The following CDHR3 variants were observed in gnomAD, a reference collection of about 807,000 sequenced individuals.
The protein encoded by CDHR3 is cadherin related family member 3.
CDHR3 carries 79 observed loss-of-function variants against 86.6 expected under a neutral mutation model. The observed-to-expected ratio is 0.91, with a 90% confidence interval of 0.76 to 1.10. The LOEUF is 1.10. Among genes scored for constraint, CDHR3 ranks in the 50% least tolerant of loss-of-function variants. The pLI is 0.00. For synonymous variants in CDHR3, 421 were observed against 402.4 expected (o/e 1.05, Z -0.55); for missense variants, 1,081 against 1,077.6 (o/e 1.00, Z -0.04).
chr7:105,987,047 T>G (rs1486540966), intron 4 of CDHR3, among the ~76,000 whole-genome samples: 1 of 152,142 alleles, frequency 6.6e-6, no homozygotes, highest in Non-Finnish European at 1.5e-5. Flanking sequence ...TGTTTTTAAA[T>G]CTCCACTTTA....
chr7:106,019,550 A>G (rs1836226471), intron 12 of CDHR3, among the ~76,000 whole-genome samples: 1 of 152,206 alleles, frequency 6.6e-6, no homozygotes, highest in African/African-American at 2.4e-5. Flanking sequence ...GGGGTGATGA[A>G]CTAAACGATC....
At chr7:106,005,731 A>T (rs1225016861) in intron 8 of CDHR3, among the ~76,000 whole-genome samples, 1 of 152,236 alleles carries the variant, frequency 6.6e-6, no homozygotes, top group Non-Finnish European at 1.5e-5. Flanking sequence ...GGAGAAATAG[A>T]AATTCCTTTA....
chr7:106,030,705 A>G lies in CDHR3; in HGVS notation c.2305-87A>G, dbSNP rs1838196364. ...CTTAGAAGTCAAGAAGGCTTTGGTT[A>G]AGGAACTTGGGTTGTGAGGATGTGT... is the stretch of plus-strand genomic sequence containing the variant. On this transcript the variant is annotated intron_variant, in intron 17 of 18. Coordinates refer to ENST00000317716, the MANE Select transcript of CDHR3 (RefSeq NM_152750.5). The surrounding 1 kb of genome is among the most constrained non-coding windows in gnomAD (Gnocchi z 4.8). The G allele has an allele frequency of 3.1e-6, 4 of 1,296,954 alleles. No individual in the cohort carries two copies. In the Admixed American group the frequency reaches 6.0e-5, roughly 19 times the overall value. The allele number at this position is 1,296,954 out of a possible 1,614,324, so 80.3% of individuals were successfully genotyped here. A position where few individuals can be genotyped will look rare whatever the true frequency, so the allele number is the denominator to read the frequency against.
At chr7:105,994,262 C>G (rs1831843455) in intron 4 of CDHR3, among the ~76,000 whole-genome samples, 1 of 149,172 alleles carries the variant, frequency 6.7e-6, no homozygotes, top group Non-Finnish European at 1.5e-5. Flanking sequence ...AGTCCTATTA[C>G]CTAGTGGGTA....
intron 2 of CDHR3, among the ~76,000 whole-genome samples, chr7:105,977,458 T>C (rs766983767): frequency 1.6e-4 from 24 of 152,354 alleles, no homozygotes; most frequent in Non-Finnish European, 2.8e-4. Context: ...TCAACTCATC[T>C]AGGCTCAAGT....
rs758540280 is a variant in CDHR3 at position 106,034,379 on chromosome 7, T to G, written c.*1682T>G. ...CCAACTGGGGAGTCAGGTGAGAGCC[T>G]ACCAGGTCCACAAGGTCCTGTGGGA... On this transcript the variant is annotated 3_prime_UTR_variant, in exon 19 of 19. Transcript: ENST00000317716. Among the ~76,000 whole-genome samples the G allele has an allele frequency of 4.6e-5, 7 of 151,392 alleles. No homozygotes were observed. Among genetic ancestry groups the G allele is most frequent in the Non-Finnish European group, 1.0e-4 (7 of 67,828 alleles).
At position 106,036,207 on chromosome 7, in the gene CDHR3, AG is replaced by A. The variant is rs1838913214; in HGVS notation, c.*3511del. 1 of 152,182 alleles carries A rather than the reference AG, an allele frequency of 6.6e-6. No homozygotes were observed. Among genetic ancestry groups the A allele is most frequent in the South Asian group, 2.1e-4 (1 of 4,828 alleles). The allele number at this position is 152,182 out of a possible 1,614,324, so 9.4% of individuals were successfully genotyped here. On this transcript the variant is annotated 3_prime_UTR_variant, in exon 19 of 19. Coordinates refer to ENST00000317716, the MANE Select transcript of CDHR3 (RefSeq NM_152750.5). ...TAGCAAGCACGGGTGGCTCACAAGCAGAACTGGGAAATGACACTTCTGCTCC... is the reference window on the plus strand; with the variant it reads ...TAGCAAGCACGGGTGGCTCACAAGCAAACTGGGAAATGACACTTCTGCTCC...
intron 1 of CDHR3, among the ~76,000 whole-genome samples, chr7:105,969,306 G>A (rs1443202451): frequency 6.8e-6 from 1 of 147,312 alleles, no homozygotes; most frequent in Non-Finnish European, 1.5e-5. Flanking sequence ...GGCTGAGGCA[G>A]GAGAATGGCG....
intron 14 of CDHR3, among the ~76,000 whole-genome samples, chr7:106,023,436 G>T (rs1201798349): frequency 1.3e-5 from 2 of 152,188 alleles, no homozygotes; most frequent in Non-Finnish European, 2.9e-5. Context: ...GAATTGGCCT[G>T]GAGAAGGAAG....
chr7:105,997,868 G>T (rs1481940776), intron 6 of CDHR3, among the ~76,000 whole-genome samples: 1 of 152,010 alleles, frequency 6.6e-6, no homozygotes, highest in African/African-American at 2.4e-5. Flanking sequence ...GAACTCTCTG[G>T]TTCTCATTTT....
chr7:105,984,368 G>A (rs778255030), intron 4 of CDHR3, 79 bp downstream of exon 4: 38 of 1,139,136 alleles, frequency 3.3e-5, no homozygotes, highest in Non-Finnish European at 4.1e-5. Context: ...GAGTCTTGGC[G>A]GGGTGAGTTT....
chr7:106,000,802 T>G (rs1468489287), intron 6 of CDHR3, among the ~76,000 whole-genome samples: 1 of 151,808 alleles, frequency 6.6e-6, no homozygotes, highest in African/African-American at 2.4e-5. Flanking sequence ...CCTGGTCTTC[T>G]TCAGGGGACC....
chr7:106,020,645 A>G (rs2115879176), intron 13 of CDHR3, 101 bp downstream of exon 13: 1 of 1,346,878 alleles, frequency 7.4e-7, no homozygotes, highest in Admixed American at 2.3e-5. Context: ...GCAAAGTGGG[A>G]TGGGAGTTGG....
intron 12 of CDHR3, among the ~76,000 whole-genome samples, chr7:106,020,048 T>TG (rs58623553): frequency 4.0e-5 from 6 of 148,548 alleles, no homozygotes; most frequent in South Asian, 2.1e-4. Context: ...TGTGTGTGTG[T>TG]GGGGGGGGGG....
rs553535185 is a variant in CDHR3, at chr7:106,009,264, G to A, written c.1053-3596G>A. Among the ~76,000 whole-genome samples, 39 of 152,270 alleles carry A rather than the reference G, an allele frequency of 2.6e-4. 1 individual carries two copies. In the South Asian group the frequency reaches 7.1e-3, roughly 28 times the overall value. ...ACGCCAAGATGTGAGGAAGGGCAACGAAAGGGACCCCTCCTCTGCAGTTCC... is the reference window on the plus strand; with the variant it reads ...ACGCCAAGATGTGAGGAAGGGCAACAAAAGGGACCCCTCCTCTGCAGTTCC... On this transcript the variant is annotated intron_variant, in intron 8 of 18. Coordinates refer to ENST00000317716, the MANE Select transcript of CDHR3 (RefSeq NM_152750.5).
At chr7:106,003,624 C>G (rs549994436) in intron 7 of CDHR3, among the ~76,000 whole-genome samples, 69 of 152,130 alleles carry the variant, frequency 4.5e-4, no homozygotes, top group Non-Finnish European at 8.7e-4. Flanking sequence ...ATTCCTCGGG[C>G]CTGTCCTCTT....
chr7:106,012,960 T>A lies in CDHR3; in HGVS notation c.1153T>A (p.Phe385Ile). The A allele has an allele frequency of 1.2e-6, 2 of 1,613,766 alleles. No homozygotes were observed. Among genetic ancestry groups the A allele is most frequent in the Non-Finnish European group, 1.7e-6 (2 of 1,179,808 alleles). The change falls in exon 9 of 19, where the codon TTC (phenylalanine) becomes ATC (isoleucine). Residue 385 changes from phenylalanine (F) to isoleucine (I), a missense_variant. Physicochemically the swap from Phe to Ile is conservative, Grantham distance 21 (BLOSUM62 0). Transcript: ENST00000317716. ...TGAGGCACCAAACAACAGATTCAAC[T>A]TCACCATGCCATCTGGAGTGGGGAG... Reference protein sequence around the residue: ...DSEAPNNRFNFTMPSGVGSGS... With the variant: ...DSEAPNNRFNITMPSGVGSGS...
chr7:105,984,444 G>A (rs1000447964), intron 4 of CDHR3, among the ~76,000 whole-genome samples, 155 bp downstream of exon 4: 1 of 152,108 alleles, frequency 6.6e-6, no homozygotes, highest in African/African-American at 2.4e-5. Context: ...TGGTTGGAAT[G>A]AATAAAGGGG....
intron 18 of CDHR3, 117 bp from the exon 19 acceptor site, chr7:106,032,276 C>A: frequency 1.0e-6 from 1 of 982,242 alleles, no homozygotes; most frequent in African/African-American, 1.6e-5. Flanking sequence ...GTGATTCACA[C>A]CTTCTAGTGT....
Sources: gnomAD v4.1 joint callset for allele counts (sites outside exome capture counted in the v4.1 genomes callset) on GRCh38, gnomAD v4.1.1 for gene constraint, Gnocchi (gnomAD v3.1) non-coding constraint, MANE v1.5 for transcripts, NCBI Gene and HGNC (gene_info 2026-07-23, HGNC 2026-07-21) for gene names.